Variants in ULK4 observed in about 807,000 individuals in gnomAD.
The protein encoded by ULK4 is unc-51 like kinase 4, also known as inactive serine/threonine-protein kinase ULK4.
In ULK4, 133 loss-of-function variants were observed where a neutral mutation model predicts 160.6. The ratio of observed to expected loss-of-function variants is 0.83; its 90% confidence interval spans 0.72 to 0.96. The LOEUF (loss-of-function observed/expected upper bound fraction) is 0.96, where lower values mean the gene tolerates loss of function less well. ULK4 is among the 40% of genes least tolerant of loss of function. The pLI is 0.00. For missense variants in ULK4, 1,580 were observed against 1,499.5 expected, an observed-to-expected ratio of 1.05 and a Z score of -0.89; for synonymous variants, 534 against 539.8, an observed-to-expected ratio of 0.99 and a Z score of 0.15.
intron 4 of ULK4, among the ~76,000 whole-genome samples, chr3:41,935,413 T>C (rs1311370206): frequency 6.6e-6 from 1 of 151,920 alleles, no homozygotes; most frequent in Non-Finnish European, 1.5e-5. Context: ...TTTTTTTTAG[T>C]TGAGATGGGG....
At chr3:41,572,945 T>G (rs957887822) in intron 31 of ULK4, among the ~76,000 whole-genome samples, 1 of 152,074 alleles carries the variant, frequency 6.6e-6, no homozygotes, top group Non-Finnish European at 1.5e-5. Context: ...AGGAAACGAC[T>G]CACAGAAGAT....
intron 30 of ULK4, among the ~76,000 whole-genome samples, chr3:41,625,897 A>G (rs2033483464): frequency 6.6e-6 from 1 of 152,228 alleles, no homozygotes; most frequent in South Asian, 2.1e-4. Flanking sequence ...TCAACATATT[A>G]ACTATGTTAC....
At chr3:41,294,434 C>T (rs1177530028) in intron 35 of ULK4, among the ~76,000 whole-genome samples, 1 of 152,152 alleles carries the variant, frequency 6.6e-6, no homozygotes, top group Non-Finnish European at 1.5e-5. Flanking sequence ...GTTATAGAAA[C>T]AAATGGATTA....
chr3:41,911,757 CAT>C (rs745857777), intron 9 of ULK4, 98 bp from the exon 10 acceptor site: 34 of 899,104 alleles, frequency 3.8e-5, no homozygotes, highest in Non-Finnish European at 5.4e-5. Context: ...TTAAATTACA[CAT>C]GACATTTAGC....
chr3:41,305,459 T>C (rs2079890570), intron 35 of ULK4, among the ~76,000 whole-genome samples: 2 of 152,252 alleles, frequency 1.3e-5, no homozygotes, highest in African/African-American at 4.8e-5. Context: ...TAACCGCAAG[T>C]GATCCGCCAG....
rs757472548 is a variant in ULK4 at position 41,754,466 on chromosome 3, C to A, written c.2216G>T (p.Arg739Leu). The A allele has an allele frequency of 6.2e-7, 1 of 1,612,752 alleles. No individual in the cohort carries two copies. The highest frequency in any genetic ancestry group is 1.3e-5 in the African/African-American group (1 of 74,886). ...GCATGTTGAGGGGCTGTCAAGTAAA[C>A]GGATAATTGTGGAGACAAAACCCTG... ...QEKGFVSTIIRLLDSPSTCIR... is the reference protein window; with the variant it reads ...QEKGFVSTIILLLDSPSTCIR... Residue 739 changes from arginine to leucine, a missense_variant, in exon 22 of 37, where the codon CGT becomes CTT. Physicochemically the swap from Arg to Leu is moderately radical, Grantham distance 102. Coordinates refer to ENST00000301831, the MANE Select transcript of ULK4 (RefSeq NM_017886.4).
intron 2 of ULK4, among the ~76,000 whole-genome samples, chr3:41,943,038 C>A (rs1218939065): frequency 6.6e-6 from 1 of 151,478 alleles, no homozygotes; most frequent in African/African-American, 2.4e-5. Context: ...ATGGTGAAAC[C>A]CCATCTCTAC....
At chr3:41,455,740 C>A in intron 33 of ULK4, 145 bp from the exon 34 acceptor site, 1 of 657,356 alleles carries the variant, frequency 1.5e-6, no homozygotes. Flanking sequence ...ATGGAGGCCC[C>A]AGAAGAGATA....
chr3:41,801,532 TAA>T (rs113457882), intron 19 of ULK4, among the ~76,000 whole-genome samples: 12 of 142,702 alleles, frequency 8.4e-5, no homozygotes, highest in Admixed American at 2.1e-4. Context: ...CAGACTGCTT[TAA>T]AAAAAAAAAA....
chr3:41,392,748 C>A (rs1486507251), intron 35 of ULK4, among the ~76,000 whole-genome samples: 1 of 152,140 alleles, frequency 6.6e-6, no homozygotes, highest in Non-Finnish European at 1.5e-5. Context: ...ATTAGGTCCT[C>A]AGGGAGCTTG....
chr3:41,666,537 G>C (rs1391576574), intron 29 of ULK4, among the ~76,000 whole-genome samples: 2 of 152,180 alleles, frequency 1.3e-5, no homozygotes, highest in Non-Finnish European at 2.9e-5. Context: ...CCAGTATTTG[G>C]AAATTGTCTG....
intron 35 of ULK4, among the ~76,000 whole-genome samples, chr3:41,293,896 A>C (rs1219420911): frequency 6.6e-6 from 1 of 152,228 alleles, no homozygotes; most frequent in Non-Finnish European, 1.5e-5. Flanking sequence ...GTCTTGAAGG[A>C]TTAGAGGCAG....
chr3:41,578,732 A>C (rs1243407248), intron 31 of ULK4, among the ~76,000 whole-genome samples: 2 of 152,180 alleles, frequency 1.3e-5, no homozygotes, highest in Non-Finnish European at 2.9e-5. Context: ...GGAAGAAGGG[A>C]CTAATAAACC....
chr3:41,591,861 CA>C (rs2125646590), intron 31 of ULK4, among the ~76,000 whole-genome samples: 1 of 152,270 alleles, frequency 6.6e-6, no homozygotes, highest in Non-Finnish European at 1.5e-5. Flanking sequence ...TGTACAAAGC[CA>C]TCTCACTAAT....
chr3:41,263,564 G>A (rs892026442), intron 35 of ULK4, among the ~76,000 whole-genome samples: 2 of 151,584 alleles, frequency 1.3e-5, no homozygotes, highest in Non-Finnish European at 2.9e-5. Flanking sequence ...ACTATACATA[G>A]GGACAATCAG....
intron 35 of ULK4, among the ~76,000 whole-genome samples, chr3:41,317,445 T>C (rs1193041772): frequency 3.3e-5 from 5 of 152,234 alleles, no homozygotes; most frequent in Non-Finnish European, 4.4e-5. Flanking sequence ...TTTTACTTTT[T>C]TCTTTCAGTC....
chr3:41,356,730 T>C (rs2081037249), intron 35 of ULK4, among the ~76,000 whole-genome samples: 1 of 152,192 alleles, frequency 6.6e-6, no homozygotes, highest in Non-Finnish European at 1.5e-5. Flanking sequence ...GTTAGGATGT[T>C]TCACAGGGAA....
intron 29 of ULK4, among the ~76,000 whole-genome samples, chr3:41,681,023 T>C (rs1294892107): frequency 6.6e-6 from 1 of 152,190 alleles, no homozygotes; most frequent in African/African-American, 2.4e-5. Flanking sequence ...AAACCCTTTC[T>C]CCATACTCAT....
chr3:41,944,125 T>C (rs1305640552), intron 2 of ULK4, among the ~76,000 whole-genome samples: 1 of 152,118 alleles, frequency 6.6e-6, no homozygotes, highest in Non-Finnish European at 1.5e-5. Context: ...CCCTCTTTCT[T>C]CCCCTTCCTC....
Sources: allele counts gnomAD v4.1 joint callset (sites outside exome capture counted in the v4.1 genomes callset), GRCh38; gene constraint gnomAD v4.1.1; transcripts MANE v1.5; gene names NCBI Gene and HGNC (gene_info 2026-07-23, HGNC 2026-07-21).